Variants in SLC27A6 observed in about 807,000 individuals in gnomAD.
SLC27A6 encodes the protein solute carrier family 27 member 6, also known as long-chain fatty acid transport protein 6.
Under a neutral mutation model 63.9 loss-of-function variants are expected in SLC27A6, and 74 were observed. The ratio of observed to expected loss-of-function variants is 1.16; its 90% CI spans 0.96 to 1.40. The LOEUF is 1.40. Ranked by LOEUF, SLC27A6 falls within the 40% of genes most tolerant of loss-of-function variation. The pLI is 0.00. For synonymous variants in SLC27A6, 287 were observed against 260.8 expected, an observed-to-expected ratio of 1.10 and a Z score of -0.97; for missense variants, 794 against 732.9, an observed-to-expected ratio of 1.08 and a Z score of -0.96.
intron 1 of SLC27A6, among the ~76,000 whole-genome samples, chr5:128,980,411 GT>G (rs1282573843): frequency 3.9e-5 from 6 of 152,220 alleles, no homozygotes; most frequent in Non-Finnish European, 8.8e-5. Flanking sequence ...CAGAAGCAGT[GT>G]TTGAATCCAG....
intron 5 of SLC27A6, among the ~76,000 whole-genome samples, chr5:129,021,392 C>T (rs1481787671): frequency 6.6e-6 from 1 of 151,988 alleles, no homozygotes; most frequent in Non-Finnish European, 1.5e-5. Context: ...TCAGAGTTTC[C>T]TCATGTATTA....
intron 1 of SLC27A6, among the ~76,000 whole-genome samples, chr5:128,975,103 C>T (rs1385936684): frequency 6.6e-6 from 1 of 152,148 alleles, no homozygotes; most frequent in East Asian, 1.9e-4. Flanking sequence ...GTAATCCCAG[C>T]ACTTTGGGAG....
At chr5:129,009,931 C>T (rs1278430143) in intron 4 of SLC27A6, among the ~76,000 whole-genome samples, 1 of 152,178 alleles carries the variant, frequency 6.6e-6, no homozygotes, top group African/African-American at 2.4e-5. Context: ...CCCGCCTCAG[C>T]CTCCCAAAGT....
chr5:129,030,515 A>T (rs1231434511), intron 9 of SLC27A6, among the ~76,000 whole-genome samples: 1 of 152,052 alleles, frequency 6.6e-6, no homozygotes, highest in African/African-American at 2.4e-5. Flanking sequence ...TCAATGGGAC[A>T]CATCCTCTGA....
intron 9 of SLC27A6, among the ~76,000 whole-genome samples, chr5:129,030,266 C>T (rs952215598): frequency 6.6e-6 from 1 of 151,974 alleles, no homozygotes; most frequent in African/African-American, 2.4e-5. Flanking sequence ...AAACAAATTT[C>T]CTTAACTACT....
intron 8 of SLC27A6, 123 bp downstream of exon 8, chr5:129,028,565 A>G: frequency 1.7e-6 from 1 of 594,164 alleles, no homozygotes; most frequent in Non-Finnish European, 2.9e-6. Flanking sequence ...AGATTTTATT[A>G]TTGTCTTGGC....
In SLC27A6 at chr5:128,990,438, T is replaced by C; in HGVS notation, c.943T>C (p.Cys315Arg). 1 of 1,613,506 alleles carries C rather than the reference T, an allele frequency of 6.2e-7. No individual in the cohort carries two copies. Among genetic ancestry groups the C allele is most frequent in the Non-Finnish European group, 8.5e-7 (1 of 1,179,872 alleles). ...TGTGTTTCAGTATATTGGAGAACTT[T>C]GTCGCTACCTTTGCAAACAATCTAA... ...VTVFQYIGEL[C>R]RYLCKQSKRE... is the part of the protein sequence containing the mutation. Residue 315 changes from cysteine to arginine, a missense_variant, in exon 4 of 10, where the codon TGT (cysteine) becomes CGT (arginine). Cys to Arg is a radical substitution (Grantham distance 180). Transcript: ENST00000262462.
At chr5:128,977,728 C>T (rs981960639) in intron 1 of SLC27A6, among the ~76,000 whole-genome samples, 14 of 152,098 alleles carry the variant, frequency 9.2e-5, no homozygotes, top group Non-Finnish European at 1.5e-5. Flanking sequence ...AAGTGTTGAT[C>T]ACCAAAAATA....
intron 4 of SLC27A6, among the ~76,000 whole-genome samples, chr5:129,002,918 TCTCTGTATTTGTC>T (rs1751390396): frequency 6.6e-6 from 1 of 152,218 alleles, no homozygotes; most frequent in African/African-American, 2.4e-5. Context: ...TGTCCTGCAT[TCTCTGTATTTGTC>T]CTCTTTCTTG....
chr5:129,020,417 A>T (rs1340406629), intron 5 of SLC27A6, among the ~76,000 whole-genome samples: 1 of 152,144 alleles, frequency 6.6e-6, no homozygotes, highest in Non-Finnish European at 1.5e-5. Context: ...TAGAAGATTG[A>T]ACAACTCTGA....
intron 9 of SLC27A6, among the ~76,000 whole-genome samples, chr5:129,032,853 T>G (rs1752454433): frequency 6.6e-6 from 1 of 152,056 alleles, no homozygotes; most frequent in East Asian, 1.9e-4. Context: ...GACATAATTA[T>G]AATCAGTTTA....
rs998095896 is a variant in SLC27A6 at position 129,016,975 on chromosome 5, C to T, written c.1164+896C>T. ...AATAACTGTCAAACTGGAACTTATA[C>T]TCAACAATAATTTTTTAAGAATGCA... On this transcript the variant is annotated intron_variant, in intron 5 of 9. Transcript: ENST00000262462. Among the ~76,000 whole-genome samples the T allele has an allele frequency of 2.6e-5, 4 of 152,222 alleles. 1 individual carries two copies. Among genetic ancestry groups the T allele is most frequent in the African/African-American group, 9.6e-5 (4 of 41,560 alleles).
intron 1 of SLC27A6, among the ~76,000 whole-genome samples, chr5:128,969,166 G>T (rs1338540923): frequency 6.6e-6 from 1 of 152,162 alleles, no homozygotes; most frequent in Admixed American, 6.5e-5. Flanking sequence ...GGTTGCTGTA[G>T]CCCTGTAGTA....
chr5:128,973,636 G>T (rs898776292), intron 1 of SLC27A6, among the ~76,000 whole-genome samples: 1 of 152,210 alleles, frequency 6.6e-6, no homozygotes, highest in African/African-American at 2.4e-5. Flanking sequence ...GAAAAGTGCA[G>T]TATTAGAGTG....
intron 4 of SLC27A6, among the ~76,000 whole-genome samples, chr5:129,008,907 C>G (rs1233771110): frequency 4.9e-5 from 7 of 144,212 alleles, no homozygotes; most frequent in Non-Finnish European, 1.0e-4. Context: ...CCCTCTGTTA[C>G]CCAGGCTGGA....
At chr5:128,982,186 C>T (rs560829193) in intron 1 of SLC27A6, among the ~76,000 whole-genome samples, 1 of 152,212 alleles carries the variant, frequency 6.6e-6, no homozygotes, top group South Asian at 2.1e-4. Context: ...TCTTTATCCC[C>T]TACATGACTC....
intron 4 of SLC27A6, among the ~76,000 whole-genome samples, chr5:129,013,969 A>G (rs1378463964): frequency 4.6e-5 from 7 of 152,178 alleles, no homozygotes; most frequent in Non-Finnish European, 1.0e-4. Context: ...AGGGTGACTA[A>G]GTGAGGATCC....
At chr5:128,972,121 C>G (rs1038166020) in intron 1 of SLC27A6, among the ~76,000 whole-genome samples, 1 of 152,130 alleles carries the variant, frequency 6.6e-6, no homozygotes, top group Non-Finnish European at 1.5e-5. Flanking sequence ...AGAGTTTCTG[C>G]CAAGAGATCA....
intron 4 of SLC27A6, among the ~76,000 whole-genome samples, chr5:128,999,126 A>C (rs868577535): frequency 2.2e-4 from 34 of 152,286 alleles, no homozygotes; most frequent in African/African-American, 6.5e-4. Flanking sequence ...TAACAATTAT[A>C]TCCAGAGGTG....
Sources: allele counts gnomAD v4.1 joint callset (sites outside exome capture counted in the v4.1 genomes callset), GRCh38; gene constraint gnomAD v4.1.1; transcripts MANE v1.5; gene names NCBI Gene and HGNC (gene_info 2026-07-23, HGNC 2026-07-21).